XKR9: variants seen among roughly 807,000 people sequenced by gnomAD.
The protein encoded by XKR9 is XK related 9.
XKR9 carries 32 observed loss-of-function variants against 32.0 expected under a neutral mutation model. The observed-to-expected ratio is 1.00, with a 90% CI of 0.76 to 1.34. The LOEUF is 1.34. Among genes scored for constraint, XKR9 ranks in the 40% most tolerant of loss-of-function variants. The pLI, the probability that XKR9 is intolerant of heterozygous loss-of-function variation, is 0.00. For missense variants in XKR9, 546 were observed against 429.7 expected (o/e 1.27, Z -2.39); for synonymous variants, 168 against 143.4 (o/e 1.17, Z -1.22).
chr8:71,026,391 C>A, the XKR9 span, among the ~76,000 whole-genome samples: 2 of 152,118 alleles, frequency 1.3e-5, no homozygotes. Context: ...ACAAAATTAT[C>A]GAGCATCTAC....
the XKR9 span, among the ~76,000 whole-genome samples, chr8:71,017,051 T>A: frequency 6.6e-6 from 1 of 152,222 alleles, no homozygotes; most frequent in African/African-American, 2.4e-5. Context: ...AATCTGGACC[T>A]AGCATTTTGT....
chr8:70,683,614 A>G, intron 3 of XKR9: 1 of 435,050 alleles, frequency 2.3e-6, no homozygotes, highest in Admixed American at 2.6e-5. Flanking sequence ...CAGCTTCCTG[A>G]GTAGCTGGGA....
chr8:70,803,234 G>C, the XKR9 span, among the ~76,000 whole-genome samples: 1 of 152,056 alleles, frequency 6.6e-6, no homozygotes, highest in African/African-American at 2.4e-5. Context: ...GGTCATTTCT[G>C]CTGTTAATAT....
chr8:70,742,020 T>C (rs1311902943), intron 2 of XKR9, among the ~76,000 whole-genome samples: 4 of 152,150 alleles, frequency 2.6e-5, no homozygotes, highest in Non-Finnish European at 1.5e-5. Context: ...ATGATATTTC[T>C]TTGTAGTTTT....
the XKR9 span, among the ~76,000 whole-genome samples, chr8:70,966,068 C>G: frequency 2.6e-5 from 4 of 152,058 alleles, no homozygotes; most frequent in Non-Finnish European, 4.4e-5. Context: ...ATAAATTTCC[C>G]TCTTGACAGT....
intron 3 of XKR9, among the ~76,000 whole-genome samples, chr8:70,697,024 C>T (rs1022496594): frequency 6.6e-6 from 1 of 151,856 alleles, no homozygotes; most frequent in Non-Finnish European, 1.5e-5. Context: ...GATTTTTGTA[C>T]ATTGATTTTG....
chr8:70,755,194 C>G (rs781112061), intron 2 of XKR9, among the ~76,000 whole-genome samples: 7 of 152,324 alleles, frequency 4.6e-5, no homozygotes, highest in Middle Eastern at 6.8e-3. Context: ...AAATGCAAAT[C>G]AAAGCCACAA....
At chr8:70,936,148 G>A in the XKR9 span, among the ~76,000 whole-genome samples, 1 of 151,864 alleles carries the variant, frequency 6.6e-6, no homozygotes, top group Non-Finnish European at 1.5e-5. Context: ...CTCACAATAA[G>A]GTCAGAAATG....
At chr8:70,722,460 C>T (rs1806315688) in intron 4 of XKR9, among the ~76,000 whole-genome samples, 1 of 152,120 alleles carries the variant, frequency 6.6e-6, no homozygotes, top group South Asian at 2.1e-4. Context: ...ATATTTAGTG[C>T]TTCCTTCAGG....
the XKR9 span, among the ~76,000 whole-genome samples, chr8:70,827,471 C>T: frequency 6.6e-6 from 1 of 152,030 alleles, no homozygotes. Flanking sequence ...AGGCATTTTA[C>T]ATATGGTAAT....
chr8:70,808,947 G>C, the XKR9 span, among the ~76,000 whole-genome samples: 1 of 152,218 alleles, frequency 6.6e-6, no homozygotes, highest in South Asian at 2.1e-4. Context: ...GAAGAGAGTA[G>C]TGGTTCTCCC....
At chr8:70,925,487 G>A in the XKR9 span, among the ~76,000 whole-genome samples, 2 of 152,292 alleles carry the variant, frequency 1.3e-5, no homozygotes, top group East Asian at 1.9e-4. Flanking sequence ...AACTGTGGAA[G>A]CTCTTGGTTT....
At chr8:70,982,843 A>G in the XKR9 span, among the ~76,000 whole-genome samples, 6 of 152,128 alleles carry the variant, frequency 3.9e-5, no homozygotes, top group Admixed American at 3.9e-4. Context: ...AATCTGAATC[A>G]TCTCTCTATT....
intron 2 of XKR9, 129 bp from the exon 3 acceptor site, chr8:70,680,652 A>G (rs1346939551): frequency 2.0e-5 from 3 of 153,070 alleles, no homozygotes; most frequent in Non-Finnish European, 2.9e-5. Flanking sequence ...TCCCAAAGCT[A>G]TTATAAGAAC....
the XKR9 span, among the ~76,000 whole-genome samples, chr8:70,908,187 C>G: frequency 1.5e-5 from 2 of 137,496 alleles, no homozygotes; most frequent in South Asian, 4.4e-4. Flanking sequence ...TTAATTCATG[C>G]ATTCATACTA....
the XKR9 span, among the ~76,000 whole-genome samples, chr8:71,046,216 G>A: frequency 1.3e-5 from 2 of 152,078 alleles, no homozygotes; most frequent in African/African-American, 2.4e-5. Context: ...TAAATATTAG[G>A]GAACCTTAGC....
At chr8:70,937,647 G>A in the XKR9 span, among the ~76,000 whole-genome samples, 1 of 151,908 alleles carries the variant, frequency 6.6e-6, no homozygotes, top group Non-Finnish European at 1.5e-5. Context: ...GATTTCCAGC[G>A]GTCTCCTGAC....
the XKR9 span, among the ~76,000 whole-genome samples, chr8:70,932,309 G>A: frequency 6.6e-6 from 1 of 152,058 alleles, no homozygotes; most frequent in East Asian, 1.9e-4. Context: ...ATAGGATATG[G>A]AGTAGGGAAA....
At chr8:70,837,877 T>C in the XKR9 span, among the ~76,000 whole-genome samples, 1 of 152,118 alleles carries the variant, frequency 6.6e-6, no homozygotes, top group Admixed American at 6.6e-5. Flanking sequence ...AAAACAATTA[T>C]CAACTAATAT....
Sources: gnomAD v4.1 joint callset for allele counts (sites outside exome capture counted in the v4.1 genomes callset) on GRCh38, gnomAD v4.1.1 for gene constraint, MANE v1.5 for transcripts, NCBI Gene and HGNC (gene_info 2026-07-23, HGNC 2026-07-21) for gene names.